PDSS2: variants seen among roughly 807,000 people sequenced by gnomAD.
PDSS2 encodes the protein decaprenyl diphosphate synthase subunit 2.
In PDSS2, 31 loss-of-function variants were observed where a neutral mutation model predicts 44.5. That is an observed-to-expected ratio of 0.70 (90% CI 0.52 to 0.94). The LOEUF (loss-of-function observed/expected upper bound fraction) is 0.94. Among genes scored for constraint, PDSS2 ranks in the 40% least tolerant of loss-of-function variants. PDSS2 has a pLI of 0.00. For missense variants in PDSS2, 452 were observed against 482.2 expected (o/e 0.94, Z 0.59); for synonymous variants, 157 against 180.3 (o/e 0.87, Z 1.03).
intron 4 of PDSS2, among the ~76,000 whole-genome samples, chr6:107,235,028 A>C (rs1310957142): frequency 6.6e-6 from 1 of 152,234 alleles, no homozygotes; most frequent in Non-Finnish European, 1.5e-5. Flanking sequence ...GAAATCAGGC[A>C]ACAAAAGACA....
chr6:107,378,109 A>G (rs2114441059), intron 1 of PDSS2, among the ~76,000 whole-genome samples: 1 of 151,368 alleles, frequency 6.6e-6, no homozygotes, highest in African/African-American at 2.4e-5. Context: ...AAACGACAGT[A>G]CACTGGTAAA....
At chr6:107,167,284 C>T (rs368816107) in intron 7 of PDSS2, among the ~76,000 whole-genome samples, 1 of 152,132 alleles carries the variant, frequency 6.6e-6, no homozygotes, top group African/African-American at 2.4e-5. Context: ...TTATAGTATT[C>T]TCTGATGGTA....
At chr6:107,168,168 G>A (rs1255382609) in intron 7 of PDSS2, among the ~76,000 whole-genome samples, 1 of 152,110 alleles carries the variant, frequency 6.6e-6, no homozygotes, top group Non-Finnish European at 1.5e-5. Flanking sequence ...CTCCTGTATT[G>A]GGTGCATATA....
intron 2 of PDSS2, among the ~76,000 whole-genome samples, chr6:107,299,986 A>G (rs1357052710): frequency 7.2e-5 from 11 of 152,018 alleles, no homozygotes; most frequent in Admixed American, 5.9e-4. Context: ...AGACCTCTCA[A>G]AACTACATGA....
chr6:107,237,511 G>A (rs892173957), intron 4 of PDSS2, among the ~76,000 whole-genome samples: 1 of 151,844 alleles, frequency 6.6e-6, no homozygotes, highest in Non-Finnish European at 1.5e-5. Flanking sequence ...CCAAAGTGCT[G>A]GGATTACAGG....
At chr6:107,409,196 C>T (rs1303583923) in intron 1 of PDSS2, among the ~76,000 whole-genome samples, 1 of 152,044 alleles carries the variant, frequency 6.6e-6, no homozygotes, top group Admixed American at 6.5e-5. Context: ...CTGAAGCCAC[C>T]CTAAAAATCA....
intron 2 of PDSS2, among the ~76,000 whole-genome samples, chr6:107,317,152 C>G (rs1413192234): frequency 6.6e-6 from 1 of 152,156 alleles, no homozygotes; most frequent in Non-Finnish European, 1.5e-5. Flanking sequence ...CTCCACGGCA[C>G]CTCGCAGCAG....
intron 1 of PDSS2, among the ~76,000 whole-genome samples, chr6:107,345,558 A>G (rs1018137196): frequency 2.0e-5 from 3 of 151,934 alleles, no homozygotes; most frequent in African/African-American, 7.3e-5. Flanking sequence ...AAAAAATACA[A>G]CAGCAGATGG....
At chr6:107,429,063 G>C (rs1781090434) in intron 1 of PDSS2, among the ~76,000 whole-genome samples, 1 of 152,182 alleles carries the variant, frequency 6.6e-6, no homozygotes, top group Admixed American at 6.5e-5. Context: ...AAACTCAGTG[G>C]TGTCACAGCT....
At chr6:107,389,841 C>A (rs908758682) in intron 1 of PDSS2, among the ~76,000 whole-genome samples, 21 of 150,038 alleles carry the variant, frequency 1.4e-4, no homozygotes, top group African/African-American at 4.9e-4. Flanking sequence ...ACAAAAAAAA[C>A]CATAGCTCCT....
At chr6:107,416,011 T>C (rs182316244) in intron 1 of PDSS2, among the ~76,000 whole-genome samples, 175 of 152,356 alleles carry the variant, frequency 1.1e-3, no homozygotes, top group African/African-American at 3.9e-3. Flanking sequence ...AAGGATGTGA[T>C]AGCTATTCCT....
At chr6:107,224,791 G>T (rs1773730568) in intron 4 of PDSS2, among the ~76,000 whole-genome samples, 1 of 150,996 alleles carries the variant, frequency 6.6e-6, no homozygotes, top group South Asian at 2.1e-4. Context: ...CCTTAGGATG[G>T]TGTATTAGTT....
At chr6:107,273,426 C>G (rs1193059484) in intron 3 of PDSS2, among the ~76,000 whole-genome samples, 2 of 152,028 alleles carry the variant, frequency 1.3e-5, no homozygotes, top group Non-Finnish European at 2.9e-5. Flanking sequence ...ATGCAAAGAT[C>G]TTTACTGAAG....
At chr6:107,290,046 G>C (rs1306627305) in intron 2 of PDSS2, among the ~76,000 whole-genome samples, 2 of 152,166 alleles carry the variant, frequency 1.3e-5, no homozygotes, top group Non-Finnish European at 2.9e-5. Context: ...GTGATTACAG[G>C]TGTGAGGCAC....
intron 6 of PDSS2, among the ~76,000 whole-genome samples, chr6:107,203,680 T>C (rs1204500879): frequency 6.6e-6 from 1 of 152,126 alleles, no homozygotes; most frequent in Non-Finnish European, 1.5e-5. Flanking sequence ...AATTAATCAT[T>C]TTAATCATTT....
intron 4 of PDSS2, among the ~76,000 whole-genome samples, chr6:107,222,652 CAAAA>C (rs567984860): frequency 3.7e-5 from 2 of 53,528 alleles, no homozygotes; most frequent in Admixed American, 2.1e-4. Context: ...AAGACTGTCT[CAAAA>C]AAAAAAAAAA....
At chr6:107,352,143 C>A (rs1196751972) in intron 1 of PDSS2, among the ~76,000 whole-genome samples, 4 of 152,090 alleles carry the variant, frequency 2.6e-5, no homozygotes. Context: ...AGAAGATTAA[C>A]CATAACTGTT....
chr6:107,365,923 CA>C (rs1376864416), intron 1 of PDSS2, among the ~76,000 whole-genome samples: 1 of 152,014 alleles, frequency 6.6e-6, no homozygotes, highest in Non-Finnish European at 1.5e-5. Flanking sequence ...AAAGAAGAAA[CA>C]GGCAATTCAG....
intron 1 of PDSS2, among the ~76,000 whole-genome samples, chr6:107,456,352 G>A (rs1373134750): frequency 6.6e-6 from 1 of 151,750 alleles, no homozygotes; most frequent in African/African-American, 2.4e-5. Flanking sequence ...AGATGACTAT[G>A]GTATATTCAC....
Sources: allele counts gnomAD v4.1 joint callset (sites outside exome capture counted in the v4.1 genomes callset), GRCh38; gene constraint gnomAD v4.1.1; transcripts MANE v1.5; gene names NCBI Gene and HGNC (gene_info 2026-07-23, HGNC 2026-07-21).